Variants in NAA35 observed in about 807,000 individuals in gnomAD.
NAA35 encodes the protein MAK10 homolog, amino-acid N-acetyltransferase subunit.
NAA35 carries 18 observed loss-of-function variants against 101.7 expected under a neutral mutation model. The ratio of observed to expected loss-of-function variants is 0.18; its 90% CI spans 0.12 to 0.26. The LOEUF (loss-of-function observed/expected upper bound fraction) is 0.26, where lower values mean the gene tolerates loss of function less well. Among genes scored for constraint, NAA35 ranks in the 10% least tolerant of loss-of-function variants. The pLI, the probability that NAA35 is intolerant of heterozygous loss-of-function variation, is 1.00. For synonymous variants in NAA35, 267 were observed against 273.1 expected (o/e 0.98, Z 0.22); for missense variants, 601 against 886.8 (o/e 0.68, Z 4.09).
At chr9:85,970,161 T>C (rs1333703275) in intron 6 of NAA35, among the ~76,000 whole-genome samples, 1 of 152,218 alleles carries the variant, frequency 6.6e-6, no homozygotes, top group Non-Finnish European at 1.5e-5. Context: ...ACCAGAACTA[T>C]ACCATAGAAA....
rs750249111 is a variant in NAA35, at chr9:86,024,157, G to C, written c.*2197G>C. On this transcript the variant is annotated 3_prime_UTR_variant, in exon 23 of 23. Coordinates refer to ENST00000361671, the MANE Select transcript of NAA35 (RefSeq NM_024635.4). ...CAAATACAGAAAAGCAACAGGTATT[G>C]AAAATGCAGTGAAGAATATGCTGTA... 9.2e-5 allele frequency among the ~76,000 whole-genome samples: 14 copies of C among 152,196 alleles called. No homozygotes were observed. Among genetic ancestry groups the C allele is most frequent in the Non-Finnish European group, 1.3e-4 (9 of 68,034 alleles).
At chr9:86,001,473 G>A (rs192815732) in intron 12 of NAA35, among the ~76,000 whole-genome samples, 143 of 152,242 alleles carry the variant, frequency 9.4e-4, no homozygotes, top group Middle Eastern at 6.8e-3. Context: ...ATCTAATACT[G>A]TCATTGGAGT....
Position 85,993,865 on chromosome 9 carries a change from G to GT in NAA35, c.878-2533dup, listed in dbSNP as rs370534707. On this transcript the variant is annotated intron_variant, in intron 11 of 22. Transcript: ENST00000361671. ...ACTCTGTCACCCAGGCTGGAATGCA[G>GT]TGATGCAGTCACGGCTCACTACAGC... Among the ~76,000 whole-genome samples the GT allele has an allele frequency of 1.6e-3, 246 of 152,246 alleles. 1 individual carries two copies. The highest frequency in any genetic ancestry group is 3.8e-3 in the African/African-American group (156 of 41,552).
At chr9:86,015,671 A>G (rs1035633083) in intron 17 of NAA35, 1 of 871,240 alleles carries the variant, frequency 1.1e-6, no homozygotes, top group South Asian at 5.3e-5. Context: ...TCTCTTAGAC[A>G]TAAATGTATA....
At chr9:85,978,676 C>T (rs929709676) in intron 11 of NAA35, among the ~76,000 whole-genome samples, 7 of 152,108 alleles carry the variant, frequency 4.6e-5, no homozygotes, top group African/African-American at 9.7e-5. Flanking sequence ...GAAAAGCCAG[C>T]GCAATGAGAA....
At chr9:86,008,098 T>C (rs546611626) in intron 14 of NAA35, among the ~76,000 whole-genome samples, 1 of 152,340 alleles carries the variant, frequency 6.6e-6, no homozygotes, top group Non-Finnish European at 1.5e-5. Flanking sequence ...ATGTACATAA[T>C]GTTGCTCAGG....
intron 6 of NAA35, among the ~76,000 whole-genome samples, chr9:85,967,375 A>G (rs1829794664): frequency 6.6e-6 from 1 of 152,170 alleles, no homozygotes; most frequent in African/African-American, 2.4e-5. Flanking sequence ...AGAGAAAACC[A>G]GAAGTTTGCT....
At chr9:86,017,398 A>G in intron 18 of NAA35, 100 bp from the exon 19 acceptor site, 1 of 1,033,306 alleles carries the variant, frequency 9.7e-7, no homozygotes, top group Non-Finnish European at 1.4e-6. Flanking sequence ...AATTTAGTAT[A>G]CAAGCTGAAA....
chr9:85,992,133 C>A (rs1830942910), intron 11 of NAA35, among the ~76,000 whole-genome samples: 1 of 148,292 alleles, frequency 6.7e-6, no homozygotes. Context: ...AAGATTGTGC[C>A]ACTGCACTCC....
At position 86,018,333 on chromosome 9, in the gene NAA35, C is replaced by T; in HGVS notation, c.1852C>T (p.His618Tyr). The T allele has an allele frequency of 6.2e-7, 1 of 1,614,008 alleles. No homozygotes were observed. The highest frequency in any genetic ancestry group is 1.7e-5 in the Admixed American group (1 of 60,016). The change falls in exon 20 of 23, where the codon CAC (histidine) becomes TAC (tyrosine). Residue 618 changes from histidine (H) to tyrosine (Y), a missense_variant. His to Tyr is a moderately conservative substitution (Grantham distance 83, BLOSUM62 2). Around this residue, in one of 8 missense-constraint regions of NAA35, gnomAD observed 90 missense variants for 108.7 expected, o/e 0.83. Coordinates refer to ENST00000361671, the MANE Select transcript of NAA35 (RefSeq NM_024635.4). ...ELDSEQVRYEHRFAPFNSVMT... is the reference protein window; with the variant it reads ...ELDSEQVRYEYRFAPFNSVMT... ...TGATAGTGAACAAGTTCGGTATGAA[C>T]ACAGGTTTGCTCCATTCAACAGTGT... is the stretch of plus-strand genomic sequence containing the variant.
intron 2 of NAA35, among the ~76,000 whole-genome samples, chr9:85,948,433 C>T (rs1054979180): frequency 6.6e-6 from 1 of 152,116 alleles, no homozygotes; most frequent in South Asian, 2.1e-4. Flanking sequence ...TCTTCTTGAT[C>T]CTCTTAACTG....
chr9:85,997,250 C>A (rs1293657868), intron 12 of NAA35, among the ~76,000 whole-genome samples: 4 of 152,098 alleles, frequency 2.6e-5, no homozygotes, highest in African/African-American at 9.7e-5. Flanking sequence ...GTGTGAGCTA[C>A]TGCGCTCTGC....
Position 85,950,464 on chromosome 9 carries a change from C to T in NAA35, c.125-5896C>T, listed in dbSNP as rs561618524. Among the ~76,000 whole-genome samples the T allele has an allele frequency of 6.6e-5, 10 of 152,224 alleles. No individual in the cohort carries two copies. In the South Asian group the frequency reaches 1.7e-3, roughly 25 times the overall value. On this transcript the variant is annotated intron_variant, in intron 2 of 22. Transcript: ENST00000361671. ...TTCACCATGTTGGCCAGGCTGTTCT[C>T]GAACTCCTGACCTCAGGTGAACCGC...
At chr9:85,958,889 A>G (rs1243684651) in intron 4 of NAA35, among the ~76,000 whole-genome samples, 2 of 152,202 alleles carry the variant, frequency 1.3e-5, no homozygotes, top group Non-Finnish European at 2.9e-5. Context: ...TAATATATTC[A>G]TATATAAAAG....
At chr9:86,003,342 T>C (rs1564319254) in intron 12 of NAA35, among the ~76,000 whole-genome samples, 1 of 152,204 alleles carries the variant, frequency 6.6e-6, no homozygotes, top group Non-Finnish European at 1.5e-5. Context: ...AAATTTAATA[T>C]TGGTATCCAC....
chr9:86,006,567 T>C (rs949397554), intron 13 of NAA35, among the ~76,000 whole-genome samples: 1 of 152,176 alleles, frequency 6.6e-6, no homozygotes, highest in East Asian at 1.9e-4. Flanking sequence ...TATGATTTCG[T>C]TTTAATGACA....
At chr9:85,955,461 C>T (rs1057156589) in intron 2 of NAA35, among the ~76,000 whole-genome samples, 2 of 144,056 alleles carry the variant, frequency 1.4e-5, no homozygotes, top group Non-Finnish European at 3.0e-5. Flanking sequence ...TTCCTTGGTT[C>T]ACGCCATTCT....
At chr9:85,976,079 A>G (rs1034366857) in intron 8 of NAA35, among the ~76,000 whole-genome samples, 4 of 152,136 alleles carry the variant, frequency 2.6e-5, no homozygotes, top group African/African-American at 4.8e-5. Context: ...CCACTTTTAG[A>G]TGAGGAAAAT....
At chr9:85,988,478 G>T (rs1830746318) in intron 11 of NAA35, among the ~76,000 whole-genome samples, 1 of 152,148 alleles carries the variant, frequency 6.6e-6, no homozygotes, top group East Asian at 1.9e-4. Context: ...AATAGCAAAA[G>T]CATTCTAGAC....
Sources: gnomAD v4.1 joint callset for allele counts (sites outside exome capture counted in the v4.1 genomes callset) on GRCh38, gnomAD v4.1.1 for gene constraint, gnomAD v4.1.1 regional missense constraint, MANE v1.5 for transcripts, NCBI Gene and HGNC (gene_info 2026-07-23, HGNC 2026-07-21) for gene names.